The following PDE7B variants were observed in gnomAD, a reference collection of about 807,000 sequenced individuals.
PDE7B encodes the protein phosphodiesterase 7B.
PDE7B carries 29 observed loss-of-function variants against 56.2 expected under a neutral mutation model. The ratio of observed to expected loss-of-function variants is 0.52; its 90% CI spans 0.38 to 0.70. The LOEUF is 0.70. Ranked by LOEUF, PDE7B falls within the 30% of genes least tolerant of loss-of-function variation. The pLI is 0.00. For missense variants in PDE7B, 490 were observed against 565.0 expected, an observed-to-expected ratio of 0.87 and a Z score of 1.35; for synonymous variants, 197 against 196.9, an observed-to-expected ratio of 1.00 and a Z score of 0.00.
At position 136,175,640 on chromosome 6, in the gene PDE7B, A is replaced by G. The variant is rs189155811; in HGVS notation, c.803+1752A>G. ...GTCCTGAAATTTTTTATTTACAATA[A>G]AGACTTTTTTCCAAATCATTAAACC... On this transcript the variant is annotated intron_variant, in intron 9 of 12. Transcript: ENST00000308191. Among the ~76,000 whole-genome samples, 32 of 152,274 alleles carry G rather than the reference A, an allele frequency of 2.1e-4. 1 individual carries two copies. Among genetic ancestry groups the G allele is most frequent in the African/African-American group, 7.7e-4 (32 of 41,582 alleles).
chr6:135,881,628 C>T (rs949840632), intron 1 of PDE7B, among the ~76,000 whole-genome samples: 1 of 152,140 alleles, frequency 6.6e-6, no homozygotes, highest in African/African-American at 2.4e-5. Context: ...AGCTGTAAGC[C>T]TGAAGACTTA....
intron 2 of PDE7B, among the ~76,000 whole-genome samples, chr6:135,996,554 A>T (rs1413341700): frequency 6.6e-6 from 1 of 152,254 alleles, no homozygotes; most frequent in African/African-American, 2.4e-5. Context: ...ATATAGAACA[A>T]GGAGGACTGT....
intron 1 of PDE7B, among the ~76,000 whole-genome samples, chr6:135,941,611 C>G (rs1170742023): frequency 6.6e-6 from 1 of 152,194 alleles, no homozygotes; most frequent in East Asian, 1.9e-4. Context: ...TAGCCTATAG[C>G]CTAATCCTCC....
chr6:135,954,218 G>C (rs977440377), intron 2 of PDE7B, among the ~76,000 whole-genome samples: 2 of 152,188 alleles, frequency 1.3e-5, no homozygotes, highest in Non-Finnish European at 2.9e-5. Flanking sequence ...TATCACAGAA[G>C]TAAGGACTCC....
At chr6:136,125,135 A>G (rs1778000419) in intron 3 of PDE7B, among the ~76,000 whole-genome samples, 1 of 152,218 alleles carries the variant, frequency 6.6e-6, no homozygotes, top group Non-Finnish European at 1.5e-5. Context: ...AAAGCGTGGT[A>G]TGGGAACACA....
At chr6:135,870,873 G>A (rs889776982) in intron 1 of PDE7B, among the ~76,000 whole-genome samples, 6 of 152,108 alleles carry the variant, frequency 3.9e-5, no homozygotes, top group African/African-American at 1.2e-4. Flanking sequence ...TCCCAGAAGC[G>A]TGGGGAGGTT....
At chr6:136,131,592 A>C (rs1206492847) in intron 3 of PDE7B, among the ~76,000 whole-genome samples, 2 of 149,202 alleles carry the variant, frequency 1.3e-5, no homozygotes, top group Non-Finnish European at 3.0e-5. Flanking sequence ...CTATGTACAC[A>C]ACAAAAATAT....
chr6:135,904,066 G>T (rs540979259), intron 1 of PDE7B, among the ~76,000 whole-genome samples: 1 of 152,278 alleles, frequency 6.6e-6, no homozygotes, highest in Admixed American at 6.5e-5. Context: ...TCTCCTTTCA[G>T]AGTTTGTTCC....
At chr6:135,901,944 G>A (rs958112136) in intron 1 of PDE7B, among the ~76,000 whole-genome samples, 1 of 151,992 alleles carries the variant, frequency 6.6e-6, no homozygotes, top group African/African-American at 2.4e-5. Context: ...TCTGACCTTG[G>A]GAGTGTTCCT....
chr6:135,893,791 A>G (rs1024329416), intron 1 of PDE7B, among the ~76,000 whole-genome samples: 2 of 152,206 alleles, frequency 1.3e-5, no homozygotes, highest in Non-Finnish European at 2.9e-5. Flanking sequence ...AATCACTTAT[A>G]TAGAAATTAA....
At chr6:135,911,475 C>T (rs1414824447) in intron 1 of PDE7B, among the ~76,000 whole-genome samples, 1 of 152,218 alleles carries the variant, frequency 6.6e-6, no homozygotes, top group African/African-American at 2.4e-5. Flanking sequence ...AACTTTTAAA[C>T]CAACGTGATA....
chr6:135,977,279 C>G (rs772656341), intron 2 of PDE7B, among the ~76,000 whole-genome samples: 4 of 151,996 alleles, frequency 2.6e-5, no homozygotes, highest in Admixed American at 6.6e-5. Context: ...GGATCCAGAC[C>G]TGATCATGGA....
At chr6:136,188,509 A>G (rs73556866) in intron 12 of PDE7B, among the ~76,000 whole-genome samples, 2,768 of 152,212 alleles carry the variant, frequency 0.018, 82 homozygotes, top group African/African-American at 0.062. Flanking sequence ...CGTGATTCAA[A>G]ATTAGATGCT....
chr6:135,912,230 A>G (rs934814494), intron 1 of PDE7B, among the ~76,000 whole-genome samples: 5 of 152,202 alleles, frequency 3.3e-5, no homozygotes, highest in African/African-American at 1.2e-4. Context: ...CTCTCTCTGT[A>G]TCCCTGGGTT....
intron 1 of PDE7B, among the ~76,000 whole-genome samples, chr6:135,884,307 T>G (rs1429750322): frequency 6.6e-6 from 1 of 152,226 alleles, no homozygotes; most frequent in Non-Finnish European, 1.5e-5. Context: ...TTTCAGAATT[T>G]AAAGCATGCT....
At chr6:136,173,428 G>T (rs949717707) in intron 8 of PDE7B, among the ~76,000 whole-genome samples, 1 of 152,196 alleles carries the variant, frequency 6.6e-6, no homozygotes, top group Non-Finnish European at 1.5e-5. Flanking sequence ...AATAAATGGT[G>T]CTGGGAAAAC....
In PDE7B at chr6:136,193,595, A is replaced by G. The variant is rs929492092; in HGVS notation, c.*1755A>G. The G allele has an allele frequency of 6.6e-6, 1 of 152,190 alleles. No individual in the cohort carries two copies. Among genetic ancestry groups the G allele is most frequent in the African/African-American group, 2.4e-5 (1 of 41,448 alleles). 9.4% of individuals were successfully genotyped at this position (152,190 alleles called of 1,614,324 possible). A position where few individuals can be genotyped will look rare whatever the true frequency, so the allele number is the denominator to read the frequency against. On this transcript the variant is annotated 3_prime_UTR_variant, in exon 13 of 13. Transcript: ENST00000308191. ...TCAGCGTAACTAATGTTAGATGAAA[A>G]TTGTTGATGCCCCTTTCTTTTTACT... is the stretch of plus-strand genomic sequence containing the variant.
In PDE7B at chr6:135,959,421, T is replaced by C. The variant is rs78438718; in HGVS notation, c.82+11897T>C. Among the ~76,000 whole-genome samples, 88 of 152,268 alleles carry C rather than the reference T, an allele frequency of 5.8e-4. 2 individuals are homozygous for C. In the East Asian group the frequency reaches 0.016, roughly 27 times the overall value. ...TAATATTTTCTCTTCTTTTAGAAAA[T>C]CAAGTATTTAAAAAAGAAATTGAAC... On this transcript the variant is annotated intron_variant, in intron 2 of 12. Coordinates refer to ENST00000308191, the MANE Select transcript of PDE7B (RefSeq NM_018945.4).
chr6:136,048,276 C>T (rs1361182230), intron 2 of PDE7B, among the ~76,000 whole-genome samples: 5 of 152,102 alleles, frequency 3.3e-5, no homozygotes, highest in East Asian at 1.9e-4. Flanking sequence ...ATAACATCAG[C>T]ACTTTGGGAG....
Sources: allele counts gnomAD v4.1 joint callset (sites outside exome capture counted in the v4.1 genomes callset), GRCh38; gene constraint gnomAD v4.1.1; transcripts MANE v1.5; gene names NCBI Gene and HGNC (gene_info 2026-07-23, HGNC 2026-07-21).